Variants in OPCML observed in about 807,000 individuals in gnomAD.
OPCML encodes the protein opioid binding protein/cell adhesion molecule like, also known as opioid-binding protein/cell adhesion molecule.
Under a neutral mutation model 37.8 loss-of-function variants are expected in OPCML, and 13 were observed. That is an observed-to-expected ratio of 0.34 (90% confidence interval 0.22 to 0.55). OPCML has a LOEUF of 0.55. Ranked by LOEUF, OPCML falls within the 20% of genes least tolerant of loss-of-function variation. The pLI is 0.91. For synonymous variants in OPCML, 176 were observed against 168.8 expected, an observed-to-expected ratio of 1.04 and a Z score of -0.33; for missense variants, 341 against 435.6, an observed-to-expected ratio of 0.78 and a Z score of 1.93.
intron 2 of OPCML, among the ~76,000 whole-genome samples, chr11:132,888,127 AG>A (rs1388123706): frequency 2.6e-5 from 4 of 152,144 alleles, no homozygotes; most frequent in African/African-American, 7.2e-5. Context: ...CACAAGGAAA[AG>A]CAGGGTGTAG....
chr11:132,759,506 A>C (rs1946184144), intron 2 of OPCML, among the ~76,000 whole-genome samples: 4 of 151,980 alleles, frequency 2.6e-5, no homozygotes, highest in African/African-American at 7.3e-5. Context: ...CAGGGATTTG[A>C]TTACTTCCGG....
At chr11:133,476,765 C>T (rs1031768958) in intron 1 of OPCML, among the ~76,000 whole-genome samples, 5 of 152,190 alleles carry the variant, frequency 3.3e-5, no homozygotes, top group Middle Eastern at 3.2e-3. Flanking sequence ...GTGAGAAGCA[C>T]CCCGGAGGGC....
At chr11:132,579,999 C>G (rs539507186) in intron 3 of OPCML, among the ~76,000 whole-genome samples, 2 of 152,150 alleles carry the variant, frequency 1.3e-5, no homozygotes, top group Non-Finnish European at 2.9e-5. Flanking sequence ...AGGCTCTGGT[C>G]CCTCCTGGAG....
At position 133,217,781 on chromosome 11, in the gene OPCML, A is replaced by T. The variant is rs1043096106; in HGVS notation, c.62-274771T>A. Among the ~76,000 whole-genome samples, 3 of 152,338 alleles carry T rather than the reference A, an allele frequency of 2.0e-5. No homozygotes were observed. In the South Asian group the frequency reaches 6.2e-4, roughly 32 times the overall value. The stretch of plus-strand genomic sequence containing the variant: ...AAGAAGTTTTGCTGAGGCCAGGTGC[A>T]GTGGCTAGCACCTGTAATCCCAGCA... On this transcript the variant is annotated intron_variant, in intron 1 of 7. Transcript: ENST00000524381.
chr11:133,268,303 G>A (rs1023681289), intron 1 of OPCML, among the ~76,000 whole-genome samples: 1 of 152,178 alleles, frequency 6.6e-6, no homozygotes, highest in African/African-American at 2.4e-5. Context: ...CCATTCAAGA[G>A]CTCTGATAAA....
chr11:133,477,393 G>T (rs1271948343), intron 1 of OPCML, among the ~76,000 whole-genome samples: 1 of 152,146 alleles, frequency 6.6e-6, no homozygotes, highest in African/African-American at 2.4e-5. Flanking sequence ...TCTAATCCCA[G>T]TTAGCACTCC....
In OPCML at chr11:132,983,663, G is replaced by A. The variant is rs115518424; in HGVS notation, c.62-40653C>T. Among the ~76,000 whole-genome samples, 136 of 152,316 alleles carry A rather than the reference G, an allele frequency of 8.9e-4. 1 individual carries two copies. The highest frequency in any genetic ancestry group is 3.1e-3 in the African/African-American group (128 of 41,568). On this transcript the variant is annotated intron_variant, in intron 1 of 7. Coordinates refer to ENST00000524381, the MANE Select transcript of OPCML (RefSeq NM_001012393.5). ...CAAGCACTTTGAGAGCAAGGCTGATGTCTGCTATTGCTTCTTCCCTGTCTC... is the reference window on the plus strand; with the variant it reads ...CAAGCACTTTGAGAGCAAGGCTGATATCTGCTATTGCTTCTTCCCTGTCTC...
At chr11:133,459,339 C>A (rs558610514) in intron 1 of OPCML, among the ~76,000 whole-genome samples, 1 of 151,916 alleles carries the variant, frequency 6.6e-6, no homozygotes. Context: ...CTAAGACATA[C>A]AGCAAAAAAC....
intron 1 of OPCML, among the ~76,000 whole-genome samples, chr11:133,375,028 G>A (rs1004532698): frequency 6.6e-6 from 1 of 152,160 alleles, no homozygotes; most frequent in African/African-American, 2.4e-5. Context: ...TAAGCTGTTG[G>A]TAGACATCAT....
chr11:133,490,329 C>G (rs1444413596), intron 1 of OPCML, among the ~76,000 whole-genome samples: 1 of 152,096 alleles, frequency 6.6e-6, no homozygotes, highest in African/African-American at 2.4e-5. Context: ...TTTTGTAGTT[C>G]AATATTTCAC....
intron 2 of OPCML, among the ~76,000 whole-genome samples, chr11:132,890,755 G>T (rs1305948746): frequency 6.7e-6 from 1 of 150,170 alleles, no homozygotes; most frequent in South Asian, 2.1e-4. Flanking sequence ...TACTCAGGAG[G>T]CTGAGGCAGA....
chr11:133,014,688 G>A (rs1398279530), intron 1 of OPCML, among the ~76,000 whole-genome samples: 2 of 152,228 alleles, frequency 1.3e-5, no homozygotes, highest in Non-Finnish European at 2.9e-5. Context: ...CTGCAAGCTT[G>A]CATTTGCATG....
At position 133,177,014 on chromosome 11, in the gene OPCML, C is replaced by T. The variant is rs978771405; in HGVS notation, c.62-234004G>A. On this transcript the variant is annotated intron_variant, in intron 1 of 7. Coordinates refer to ENST00000524381, the MANE Select transcript of OPCML (RefSeq NM_001012393.5). This position sits in a 1 kb window ranked among gnomAD's most constrained non-coding sequence, Gnocchi z 5.0. ...GTCTTCAGTGCCAGCTCAGCTCCTCCTGTGCCATCATCCTGCCAGCGGGAC... is the reference window on the plus strand; with the variant it reads ...GTCTTCAGTGCCAGCTCAGCTCCTCTTGTGCCATCATCCTGCCAGCGGGAC... Among the ~76,000 whole-genome samples the T allele has an allele frequency of 9.2e-5, 14 of 152,222 alleles. No individual in the cohort carries two copies. Among genetic ancestry groups the T allele is most frequent in the African/African-American group, 3.4e-4 (14 of 41,462 alleles).
At chr11:133,195,195 C>A (rs909585169) in intron 1 of OPCML, among the ~76,000 whole-genome samples, 1 of 152,078 alleles carries the variant, frequency 6.6e-6, no homozygotes, top group African/African-American at 2.4e-5. Flanking sequence ...CTAGTAACTT[C>A]AAATTTAATA....
At chr11:132,606,429 T>G (rs1938300534) in intron 3 of OPCML, among the ~76,000 whole-genome samples, 1 of 152,164 alleles carries the variant, frequency 6.6e-6, no homozygotes, top group Admixed American at 6.5e-5. Context: ...GCTGCCTGAT[T>G]CCCCTGCATT....
intron 3 of OPCML, among the ~76,000 whole-genome samples, chr11:132,583,457 C>G (rs1376639179): frequency 6.6e-6 from 1 of 152,002 alleles, no homozygotes; most frequent in South Asian, 2.1e-4. Flanking sequence ...TGCCACTGTG[C>G]CAGGCTAACT....
chr11:133,233,360 C>A (rs1167758377), intron 1 of OPCML, among the ~76,000 whole-genome samples: 1 of 152,134 alleles, frequency 6.6e-6, no homozygotes, highest in Non-Finnish European at 1.5e-5. Flanking sequence ...GATTCTCTGC[C>A]ATCCCCCTTT....
At chr11:132,835,364 C>A (rs1396689498) in intron 2 of OPCML, among the ~76,000 whole-genome samples, 1 of 152,192 alleles carries the variant, frequency 6.6e-6, no homozygotes, top group Non-Finnish European at 1.5e-5. Flanking sequence ...GAATTGCATT[C>A]TCCCTTTCAG....
chr11:133,045,511 A>T (rs1947991586), intron 1 of OPCML, among the ~76,000 whole-genome samples: 1 of 152,198 alleles, frequency 6.6e-6, no homozygotes, highest in African/African-American at 2.4e-5. Flanking sequence ...TAGCACCGTC[A>T]TTGGAGAGGG....
Sources: gnomAD v4.1 joint callset for allele counts (sites outside exome capture counted in the v4.1 genomes callset) on GRCh38, gnomAD v4.1.1 for gene constraint, Gnocchi (gnomAD v3.1) non-coding constraint, MANE v1.5 for transcripts, NCBI Gene and HGNC (gene_info 2026-07-23, HGNC 2026-07-21) for gene names.